The following KLF12 variants were observed in gnomAD, a reference collection of about 807,000 sequenced individuals.
KLF12 encodes the protein KLF transcription factor 12.
KLF12 carries 9 observed loss-of-function variants against 37.8 expected under a neutral mutation model. The observed-to-expected ratio is 0.24, with a 90% CI of 0.14 to 0.42. The LOEUF (loss-of-function observed/expected upper bound fraction) is 0.42, where lower values mean the gene tolerates loss of function less well. Among genes scored for constraint, KLF12 ranks in the 10% least tolerant of loss-of-function variants. The pLI, the probability that KLF12 is intolerant of heterozygous loss-of-function variation, is 1.00. For missense variants in KLF12, 411 were observed against 516.0 expected, an observed-to-expected ratio of 0.80 and a Z score of 1.97; for synonymous variants, 208 against 202.1, an observed-to-expected ratio of 1.03 and a Z score of -0.25.
the KLF12 span, among the ~76,000 whole-genome samples, chr13:74,224,461 C>A: frequency 3.3e-5 from 5 of 152,138 alleles, no homozygotes; most frequent in African/African-American, 9.7e-5. Flanking sequence ...ACCCACCAAC[C>A]AATCTATTAT....
the KLF12 span, among the ~76,000 whole-genome samples, chr13:74,277,518 G>A: frequency 1.3e-5 from 2 of 152,196 alleles, no homozygotes; most frequent in Non-Finnish European, 2.9e-5. Flanking sequence ...GAATAAGACA[G>A]AGTAGCTGCC....
chr13:73,924,181 A>T (rs1418079995), intron 3 of KLF12, among the ~76,000 whole-genome samples: 2 of 152,254 alleles, frequency 1.3e-5, no homozygotes, highest in Non-Finnish European at 1.5e-5. Flanking sequence ...AACGAAGTAT[A>T]TTATCCTAAA....
intron 2 of KLF12, among the ~76,000 whole-genome samples, chr13:73,964,379 A>C (rs1254772338): frequency 6.6e-6 from 1 of 152,202 alleles, no homozygotes; most frequent in Non-Finnish European, 1.5e-5. Context: ...TAGCTCACAG[A>C]ACACAGAAGC....
intron 5 of KLF12, among the ~76,000 whole-genome samples, chr13:73,797,795 C>T (rs1202302082): frequency 7.4e-6 from 1 of 134,758 alleles, no homozygotes; most frequent in Non-Finnish European, 1.6e-5. Context: ...AAAAAAAAAG[C>T]ATTACATTTT....
At chr13:73,718,838 G>GC (rs1566316917) in intron 6 of KLF12, among the ~76,000 whole-genome samples, 4 of 152,172 alleles carry the variant, frequency 2.6e-5, no homozygotes, top group Non-Finnish European at 4.4e-5. Context: ...AGGTTGCAGT[G>GC]AGCCAAGATC....
chr13:74,152,851 T>G, the KLF12 span, among the ~76,000 whole-genome samples: 1 of 150,858 alleles, frequency 6.6e-6, no homozygotes, highest in Admixed American at 6.6e-5. Context: ...ACCACTGCAT[T>G]CCAGCCTGGG....
intron 1 of KLF12, among the ~76,000 whole-genome samples, chr13:74,069,388 T>C (rs1007992225): frequency 1.7e-4 from 26 of 151,516 alleles, no homozygotes; most frequent in Middle Eastern, 3.2e-3. Flanking sequence ...CTGGAGAGAG[T>C]AGAGTTGATG....
At chr13:74,174,866 A>T in the KLF12 span, among the ~76,000 whole-genome samples, 1 of 152,216 alleles carries the variant, frequency 6.6e-6, no homozygotes, top group Non-Finnish European at 1.5e-5. Flanking sequence ...TGATTTAAGG[A>T]GAAATTGAAT....
intron 5 of KLF12, among the ~76,000 whole-genome samples, chr13:73,811,496 C>T (rs1432692606): frequency 2.0e-5 from 3 of 152,102 alleles, no homozygotes; most frequent in African/African-American, 7.2e-5. Flanking sequence ...TAAACTACTG[C>T]ACTAGTACTA....
At chr13:74,143,515 A>G in the KLF12 span, among the ~76,000 whole-genome samples, 3 of 152,168 alleles carry the variant, frequency 2.0e-5, no homozygotes, top group Non-Finnish European at 4.4e-5. Context: ...TTTTCATATA[A>G]TAATTAATTT....
intron 3 of KLF12, among the ~76,000 whole-genome samples, chr13:73,866,353 A>C (rs1886179973): frequency 6.6e-6 from 1 of 152,186 alleles, no homozygotes; most frequent in East Asian, 1.9e-4. Context: ...AAGAATAGGG[A>C]AACAGGGCAC....
the KLF12 span, among the ~76,000 whole-genome samples, chr13:74,139,439 A>G: frequency 6.6e-6 from 1 of 152,252 alleles, no homozygotes; most frequent in African/African-American, 2.4e-5. Flanking sequence ...AACACAATTT[A>G]GCAGAAAACT....
chr13:74,254,538 A>G, the KLF12 span, among the ~76,000 whole-genome samples: 2 of 152,334 alleles, frequency 1.3e-5, no homozygotes, highest in African/African-American at 4.8e-5. Context: ...ACACAGAAAT[A>G]TAGCAAAGCT....
intron 1 of KLF12, among the ~76,000 whole-genome samples, chr13:74,108,176 T>G (rs1593906440): frequency 6.6e-6 from 1 of 152,072 alleles, no homozygotes; most frequent in Non-Finnish European, 1.5e-5. Flanking sequence ...CCTCATCTCT[T>G]TGAGTATATG....
chr13:73,902,547 A>T (rs956915002), intron 3 of KLF12, among the ~76,000 whole-genome samples: 1 of 152,192 alleles, frequency 6.6e-6, no homozygotes, highest in Non-Finnish European at 1.5e-5. Context: ...CTAATTCAAT[A>T]GCTCTTTCCA....
intron 3 of KLF12, among the ~76,000 whole-genome samples, chr13:73,850,588 A>G (rs1885283590): frequency 6.6e-6 from 1 of 152,246 alleles, no homozygotes; most frequent in South Asian, 2.1e-4. Context: ...AAACCCCTCC[A>G]GGGATTTTTC....
intron 2 of KLF12, among the ~76,000 whole-genome samples, chr13:73,963,883 T>C (rs9318238): frequency 0.65 from 99,519 of 152,114 alleles, 34,359 homozygotes; most frequent in East Asian, 0.81. Flanking sequence ...GATTGATTGG[T>C]TCAGAAATGC....
chr13:74,134,253 GC>G (rs979025398), upstream of KLF12, among the ~76,000 whole-genome samples: 18 of 151,950 alleles, frequency 1.2e-4, no homozygotes, highest in Non-Finnish European at 2.5e-4. Flanking sequence ...CAGAAACAAA[GC>G]CCCGCCGCTG....
At chr13:74,119,815 C>A (rs2138972379) in intron 1 of KLF12, among the ~76,000 whole-genome samples, 1 of 151,992 alleles carries the variant, frequency 6.6e-6, no homozygotes, top group East Asian at 1.9e-4. Flanking sequence ...GTAGAAATTT[C>A]TGAAAAACTA....
Sources: allele counts gnomAD v4.1 joint callset (sites outside exome capture counted in the v4.1 genomes callset), GRCh38; gene constraint gnomAD v4.1.1; transcripts MANE v1.5; gene names NCBI Gene and HGNC (gene_info 2026-07-23, HGNC 2026-07-21).